FTCDNL1: variants seen among roughly 807,000 people sequenced by gnomAD.
FTCDNL1 encodes the protein formiminotransferase N-terminal subdomain-containing protein.
Under a neutral mutation model 5.9 loss-of-function variants are expected in FTCDNL1, and 11 were observed. The observed-to-expected ratio is 1.87, with a 90% CI of 1.18 to 3.10. The LOEUF is 3.10. Among genes scored for constraint, FTCDNL1 ranks in the 30% most tolerant of loss-of-function variants. The pLI, the probability that FTCDNL1 is intolerant of heterozygous loss-of-function variation, is 0.00. For missense variants in FTCDNL1, 115 were observed against 65.5 expected (o/e 1.76, Z -2.61); for synonymous variants, 58 against 24.8 (o/e 2.34, Z -3.99).
rs149515721 is a variant in FTCDNL1 at position 199,789,405 on chromosome 2, T to G, written c.212-28570A>C. On this transcript the variant is annotated intron_variant, in intron 3 of 3. Coordinates refer to the FTCDNL1 transcript ENST00000416668. ...GAAAATGTTAATAAATGCCAAGATG[T>G]TATTTGATATAATTCAGTAGTCATC... Among the ~76,000 whole-genome samples, 25 of 152,276 alleles carry G rather than the reference T, an allele frequency of 1.6e-4. No individual in the cohort carries two copies. In the East Asian group the frequency reaches 4.8e-3, roughly 29 times the overall value.
intron 2 of FTCDNL1, among the ~76,000 whole-genome samples, chr2:199,847,805 C>T (rs1217312705): frequency 6.6e-6 from 1 of 152,122 alleles, no homozygotes; most frequent in East Asian, 1.9e-4. Flanking sequence ...ATGAAGAGCC[C>T]GAGCTGGCTC....
chr2:199,790,012 C>G (rs963103558), intron 3 of FTCDNL1, among the ~76,000 whole-genome samples: 14 of 151,992 alleles, frequency 9.2e-5, no homozygotes, highest in Non-Finnish European at 1.5e-4. Flanking sequence ...TTAAAAATAT[C>G]AGTTATATAA....
the FTCDNL1 span, among the ~76,000 whole-genome samples, chr2:199,725,621 T>C: frequency 6.6e-6 from 1 of 152,132 alleles, no homozygotes; most frequent in Non-Finnish European, 1.5e-5. Context: ...CTGAAAATGA[T>C]TTTGTTTATC....
intron 3 of FTCDNL1, among the ~76,000 whole-genome samples, chr2:199,762,929 C>T (rs1014073058): frequency 6.6e-6 from 1 of 152,178 alleles, no homozygotes; most frequent in Non-Finnish European, 1.5e-5. Flanking sequence ...TAAAAGCACA[C>T]ATTTGGGGTC....
intron 3 of FTCDNL1, among the ~76,000 whole-genome samples, chr2:199,838,416 T>A (rs1348525521): frequency 6.6e-6 from 1 of 152,122 alleles, no homozygotes; most frequent in African/African-American, 2.4e-5. Flanking sequence ...TTTCATTTCT[T>A]CCAAAAACCC....
At chr2:199,744,285 G>A in the FTCDNL1 span, among the ~76,000 whole-genome samples, 2 of 152,154 alleles carry the variant, frequency 1.3e-5, no homozygotes, top group Non-Finnish European at 1.5e-5. Flanking sequence ...CCCTCAATGT[G>A]ACTATATTTA....
chr2:199,747,882 T>C, the FTCDNL1 span, among the ~76,000 whole-genome samples: 1 of 152,200 alleles, frequency 6.6e-6, no homozygotes, highest in African/African-American at 2.4e-5. Context: ...TCTCTTCCCC[T>C]TTCCCAAGAC....
chr2:199,707,595 G>T, the FTCDNL1 span, among the ~76,000 whole-genome samples: 1 of 150,398 alleles, frequency 6.6e-6, no homozygotes. Context: ...GTCTCCATTT[G>T]GTAAAGTTTT....
intron 3 of FTCDNL1, among the ~76,000 whole-genome samples, chr2:199,793,521 A>T (rs952197914): frequency 1.4e-5 from 2 of 139,894 alleles, no homozygotes; most frequent in Admixed American, 1.5e-4. Context: ...GTTTATATAG[A>T]CATTTTTCCC....
At chr2:199,720,719 G>A in the FTCDNL1 span, among the ~76,000 whole-genome samples, 1 of 152,134 alleles carries the variant, frequency 6.6e-6, no homozygotes, top group South Asian at 2.1e-4. Context: ...ATCTCAAGAT[G>A]CCTAACTTAA....
chr2:199,691,330 A>G, the FTCDNL1 span, among the ~76,000 whole-genome samples: 1 of 151,936 alleles, frequency 6.6e-6, no homozygotes, highest in Non-Finnish European at 1.5e-5. Flanking sequence ...GCGCCACCAC[A>G]CCCGGCTAAT....
At chr2:199,843,315 G>A (rs982962799) in intron 3 of FTCDNL1, among the ~76,000 whole-genome samples, 4 of 152,194 alleles carry the variant, frequency 2.6e-5, no homozygotes, top group African/African-American at 4.8e-5. Context: ...AGAACTTCAT[G>A]TACTAGCTAA....
chr2:199,683,786 C>A, the FTCDNL1 span, among the ~76,000 whole-genome samples: 1 of 152,136 alleles, frequency 6.6e-6, no homozygotes, highest in African/African-American at 2.4e-5. Context: ...ACCTTTAATT[C>A]CCTGTGGAAA....
Position 199,810,229 on chromosome 2 carries a change from C to T in FTCDNL1, c.*2476G>A, listed in dbSNP as rs1340499998. Among the ~76,000 whole-genome samples the T allele has an allele frequency of 6.6e-6, 1 of 152,080 alleles. No homozygotes were observed. Among genetic ancestry groups the T allele is most frequent in the Admixed American group, 6.6e-5 (1 of 15,264 alleles). On this transcript the variant is annotated 3_prime_UTR_variant, in exon 5 of 5. Coordinates refer to ENST00000420128, the MANE Select transcript of FTCDNL1 (RefSeq NM_001363886.2). ...GACAGGAGTAAATCACACCTCTGTA[C>T]CCACCACTCCCTCTCTCCGAAACAA...
the FTCDNL1 span, among the ~76,000 whole-genome samples, chr2:199,724,522 C>T: frequency 3.9e-5 from 6 of 151,944 alleles, no homozygotes; most frequent in Admixed American, 2.0e-4. Context: ...GGTCATTTAG[C>T]GCTCTAAATT....
At chr2:199,837,025 A>G (rs1702793530) in intron 3 of FTCDNL1, among the ~76,000 whole-genome samples, 1 of 152,150 alleles carries the variant, frequency 6.6e-6, no homozygotes, top group Admixed American at 6.5e-5. Flanking sequence ...TTTTTCAAGT[A>G]TGGCTGGGTT....
intron 3 of FTCDNL1, among the ~76,000 whole-genome samples, chr2:199,762,420 G>A (rs925755856): frequency 6.6e-6 from 1 of 152,088 alleles, no homozygotes; most frequent in Admixed American, 6.5e-5. Context: ...CTATTGGGCC[G>A]CATTCAAAGC....
intron 3 of FTCDNL1, among the ~76,000 whole-genome samples, chr2:199,770,068 C>A (rs1026500092): frequency 6.6e-6 from 1 of 152,080 alleles, no homozygotes; most frequent in Admixed American, 6.5e-5. Context: ...TCTACAGCTC[C>A]CAATTTGTCC....
At chr2:199,744,380 A>G in the FTCDNL1 span, among the ~76,000 whole-genome samples, 2,432 of 152,286 alleles carry the variant, frequency 0.016, 57 homozygotes, top group African/African-American at 0.054. Context: ...TGTTGTTATA[A>G]GAAGAGGAAG....
Sources: gnomAD v4.1 joint callset for allele counts (sites outside exome capture counted in the v4.1 genomes callset) on GRCh38, gnomAD v4.1.1 for gene constraint, MANE v1.5 for transcripts, NCBI Gene and HGNC (gene_info 2026-07-23, HGNC 2026-07-21) for gene names.